Variants in TNIK observed in about 807,000 individuals in gnomAD.
TNIK encodes TRAF2 and NCK-interacting protein kinase.
Under a neutral mutation model 191.3 loss-of-function variants are expected in TNIK, and 49 were observed. The observed-to-expected ratio is 0.26, with a 90% CI of 0.20 to 0.32. The LOEUF is 0.32. TNIK is among the 10% of genes least tolerant of loss of function. The pLI, the probability that TNIK is intolerant of heterozygous loss-of-function variation, is 1.00. For synonymous variants in TNIK, 594 were observed against 600.9 expected, an observed-to-expected ratio of 0.99 and a Z score of 0.17; for missense variants, 1,155 against 1,702.3, an observed-to-expected ratio of 0.68 and a Z score of 5.66.
chr3:171,088,759 A>G (rs916816675), intron 23 of TNIK, among the ~76,000 whole-genome samples: 2 of 152,212 alleles, frequency 1.3e-5, no homozygotes, highest in African/African-American at 4.8e-5. Flanking sequence ...CAGTGCCCAC[A>G]TTGTAGGCCT....
intron 1 of TNIK, 58 bp downstream of exon 1, chr3:171,459,949 C>A: frequency 6.4e-7 from 1 of 1,557,466 alleles, no homozygotes; most frequent in South Asian, 1.2e-5. Context: ...GTCCACGCAC[C>A]GAGCCCATTC....
At chr3:171,382,425 T>C (rs1314142770) in intron 1 of TNIK, among the ~76,000 whole-genome samples, 1 of 152,156 alleles carries the variant, frequency 6.6e-6, no homozygotes, top group Non-Finnish European at 1.5e-5. Context: ...TTCACCATGT[T>C]GGCCAGGCTG....
At chr3:171,315,544 C>T (rs13083726) in intron 2 of TNIK, among the ~76,000 whole-genome samples, 18 of 151,970 alleles carry the variant, frequency 1.2e-4, no homozygotes, top group African/African-American at 3.1e-4. Context: ...ACAAACTGGG[C>T]GGCCTAAAAT....
intron 2 of TNIK, among the ~76,000 whole-genome samples, chr3:171,301,018 G>A (rs1022681415): frequency 9.2e-5 from 14 of 151,898 alleles, no homozygotes; most frequent in Non-Finnish European, 8.8e-5. Context: ...AGAGTCACAG[G>A]GTCCTCAAAA....
intron 2 of TNIK, chr3:171,347,009 G>T: frequency 1.2e-6 from 1 of 840,846 alleles, no homozygotes; most frequent in Non-Finnish European, 1.8e-6. Flanking sequence ...TAACATCAAG[G>T]GACAGTCCTG....
chr3:171,096,545 C>T (rs1043080986), intron 22 of TNIK, among the ~76,000 whole-genome samples: 1 of 152,084 alleles, frequency 6.6e-6, no homozygotes, highest in African/African-American at 2.4e-5. Flanking sequence ...TAAAAGTTTC[C>T]TATGTACATT....
At chr3:171,355,515 T>A (rs1713907491) in intron 2 of TNIK, among the ~76,000 whole-genome samples, 1 of 152,198 alleles carries the variant, frequency 6.6e-6, no homozygotes, top group African/African-American at 2.4e-5. Flanking sequence ...TTTGCAACTC[T>A]TTTGAAGAGA....
chr3:171,192,858 T>G (rs1738224665), intron 5 of TNIK, among the ~76,000 whole-genome samples: 1 of 152,248 alleles, frequency 6.6e-6, no homozygotes, highest in South Asian at 2.1e-4. Flanking sequence ...TCCCCTCAAA[T>G]TTTGTGTTAT....
chr3:171,365,161 C>CTTTTT lies in TNIK; in HGVS notation c.123+4454_123+4458dup, dbSNP rs60887361. ...AAGGACTACACAAAAGGACTACATT[C>CTTTTT]TTTTTTTTTTTTTTTTTTTTTTTTT... is the stretch of plus-strand genomic sequence containing the variant. On this transcript the variant is annotated intron_variant, in intron 2 of 32. Transcript: ENST00000436636. Among the ~76,000 whole-genome samples the CTTTTT allele has an allele frequency of 3.6e-3, 115 of 31,930 alleles. 35 individuals carry two copies. The highest frequency in any genetic ancestry group is 0.053 in the Middle Eastern group (2 of 38). The allele number at this position is 31,930 out of a possible 152,430, so 20.9% of individuals were successfully genotyped here. A position where few individuals can be genotyped will look rare whatever the true frequency, so the allele number is the denominator to read the frequency against.
intron 2 of TNIK, among the ~76,000 whole-genome samples, chr3:171,303,670 G>T (rs1359807383): frequency 6.6e-6 from 1 of 152,136 alleles, no homozygotes; most frequent in Non-Finnish European, 1.5e-5. Context: ...GCATCCCAAG[G>T]CTCAACTCAG....
intron 1 of TNIK, among the ~76,000 whole-genome samples, chr3:171,371,686 A>C (rs1716510239): frequency 6.6e-6 from 1 of 152,132 alleles, no homozygotes; most frequent in African/African-American, 2.4e-5. Context: ...AGGCCTCAGG[A>C]TCGGGAAGAA....
chr3:171,346,344 G>C (rs1349033048), intron 2 of TNIK, among the ~76,000 whole-genome samples: 1 of 152,124 alleles, frequency 6.6e-6, no homozygotes, highest in African/African-American at 2.4e-5. Flanking sequence ...CCCTATTAAA[G>C]ATATGGTCCA....
chr3:171,384,246 C>T (rs910158153), intron 1 of TNIK, among the ~76,000 whole-genome samples: 6 of 152,218 alleles, frequency 3.9e-5, no homozygotes, highest in African/African-American at 1.4e-4. Context: ...TCTTACTGCA[C>T]TTGGAAGGCA....
In TNIK at chr3:171,110,836, G is replaced by T; in HGVS notation, c.2162C>A (p.Pro721His). ...LRRTEPILES[P>H]LQRTSSGSSS... is the part of the protein sequence containing the mutation. ...ACTGCCACTGCTGGTCCTCTGCAAG[G>T]GGCTCTCCAAGATGGGCTCAGTTCT... The change falls in exon 19 of 33, where the codon CCC (proline) becomes CAC (histidine). Residue 721 changes from proline (P) to histidine (H), a missense_variant. By Grantham distance (77) the Pro-to-His change is moderately conservative (BLOSUM62 -2). Transcript: ENST00000436636. 6.2e-7 allele frequency: 1 copy of T among 1,605,296 alleles called. No homozygotes were observed. Among genetic ancestry groups the T allele is most frequent in the Admixed American group, 1.7e-5 (1 of 59,150 alleles).
chr3:171,310,672 C>G (rs1753922831), intron 2 of TNIK, among the ~76,000 whole-genome samples: 1 of 152,010 alleles, frequency 6.6e-6, no homozygotes, highest in South Asian at 2.1e-4. Context: ...TGAAAATTTT[C>G]CAATTCTTTT....
At chr3:171,345,925 A>AAATG (rs886656329) in intron 2 of TNIK, among the ~76,000 whole-genome samples, 2 of 152,150 alleles carry the variant, frequency 1.3e-5, no homozygotes, top group African/African-American at 2.4e-5. Context: ...TGAAGTGAAC[A>AAATG]AATGAATGAA....
intron 2 of TNIK, among the ~76,000 whole-genome samples, chr3:171,254,201 G>A (rs563569102): frequency 7.2e-5 from 11 of 152,232 alleles, no homozygotes; most frequent in Admixed American, 5.9e-4. Context: ...TGATCTTAAT[G>A]TAGCGTGTCT....
At chr3:171,242,159 T>TAAA (rs59090516) in intron 2 of TNIK, among the ~76,000 whole-genome samples, 2 of 142,466 alleles carry the variant, frequency 1.4e-5, no homozygotes, top group Admixed American at 6.9e-5. Flanking sequence ...GAACTTAAAT[T>TAAA]AAAAAAAAAA....
At chr3:171,303,377 C>T (rs758817262) in intron 2 of TNIK, among the ~76,000 whole-genome samples, 18 of 152,134 alleles carry the variant, frequency 1.2e-4, no homozygotes, top group Non-Finnish European at 1.8e-4. Flanking sequence ...TCTATGATAT[C>T]TTCATGTCAT....
Sources: allele counts gnomAD v4.1 joint callset (sites outside exome capture counted in the v4.1 genomes callset), GRCh38; gene constraint gnomAD v4.1.1; transcripts MANE v1.5; gene names NCBI Gene and HGNC (gene_info 2026-07-23, HGNC 2026-07-21).